Variants in BMAL2 observed in about 807,000 individuals in gnomAD.
BMAL2 encodes the protein basic helix-loop-helix ARNT-like protein 2.
At chr12:27,390,071 T>C in the BMAL2 span, 1 of 1,607,760 alleles carries the variant, frequency 6.2e-7, no homozygotes, top group South Asian at 1.1e-5. Context: ...TTCCACCTAT[T>C]CTCTCGCCCC....
the BMAL2 span, among the ~76,000 whole-genome samples, chr12:27,375,665 C>T: frequency 3.6e-4 from 55 of 152,234 alleles, no homozygotes; most frequent in African/African-American, 1.2e-3. Flanking sequence ...TCAAATCTCC[C>T]ACAAAACGAT....
the BMAL2 span, chr12:27,380,486 C>A: frequency 6.8e-7 from 1 of 1,477,382 alleles, no homozygotes; most frequent in Non-Finnish European, 9.4e-7. Context: ...GCTTTGCTGT[C>A]AGCTGTTGAG....
chr12:27,380,114 A>G, the BMAL2 span: 8 of 821,484 alleles, frequency 9.7e-6, 1 homozygote, highest in Non-Finnish European at 1.5e-5. Flanking sequence ...CCTCACTGAC[A>G]ACTGCAGGGC....
chr12:27,387,030 G>A, the BMAL2 span, among the ~76,000 whole-genome samples: 1 of 152,092 alleles, frequency 6.6e-6, no homozygotes, highest in Non-Finnish European at 1.5e-5. Flanking sequence ...ATTTAGAATA[G>A]GATTTCAACT....
At chr12:27,420,737 C>T in the BMAL2 span, 19 of 489,458 alleles carry the variant, frequency 3.9e-5, no homozygotes, top group Non-Finnish European at 5.6e-5. Flanking sequence ...ATTATAGACT[C>T]CTTTATTCAG....
the BMAL2 span, among the ~76,000 whole-genome samples, chr12:27,361,837 A>T: frequency 6.6e-6 from 1 of 152,202 alleles, no homozygotes; most frequent in Non-Finnish European, 1.5e-5. Flanking sequence ...ACATAGAGTC[A>T]ATGGAACATA....
At chr12:27,419,665 A>G in the BMAL2 span, among the ~76,000 whole-genome samples, 1 of 152,236 alleles carries the variant, frequency 6.6e-6, no homozygotes, top group Non-Finnish European at 1.5e-5. Flanking sequence ...TAAAGCATAC[A>G]CTAAAGAGAA....
chr12:27,361,320 A>T, the BMAL2 span, among the ~76,000 whole-genome samples: 1 of 152,232 alleles, frequency 6.6e-6, no homozygotes, highest in African/African-American at 2.4e-5. Flanking sequence ...TGCAAGATTG[A>T]TTATCATCAC....
the BMAL2 span, among the ~76,000 whole-genome samples, chr12:27,369,070 G>C: frequency 6.6e-6 from 1 of 152,298 alleles, no homozygotes; most frequent in South Asian, 2.1e-4. Context: ...CCAGATGTTT[G>C]AGACCCGCAA....
the BMAL2 span, chr12:27,425,252 T>G: frequency 6.8e-6 from 1 of 146,428 alleles, no homozygotes; most frequent in Non-Finnish European, 1.5e-5. Flanking sequence ...TCATTTGTAG[T>G]TTTTTTTTTT....
chr12:27,332,971 T>A, the BMAL2 span: 2 of 970,928 alleles, frequency 2.1e-6, no homozygotes, highest in Non-Finnish European at 2.6e-6. Context: ...CAGTCCCCGC[T>A]TCCCTGCTCC....
chr12:27,354,773 C>A, the BMAL2 span, among the ~76,000 whole-genome samples: 1 of 152,134 alleles, frequency 6.6e-6, no homozygotes, highest in Admixed American at 6.5e-5. Context: ...ACACACTTCT[C>A]CTAAACATTT....
chr12:27,371,543 T>TA, the BMAL2 span, among the ~76,000 whole-genome samples: 1 of 151,986 alleles, frequency 6.6e-6, no homozygotes, highest in African/African-American at 2.4e-5. Context: ...AGTTGAGGGA[T>TA]AAACACGAAC....
the BMAL2 span, chr12:27,403,343 CTG>C: frequency 1.2e-6 from 1 of 854,020 alleles, no homozygotes; most frequent in African/African-American, 1.7e-5. Context: ...TGCAGCTAGT[CTG>C]TTTCTTTTAA....
chr12:27,402,969 AC>A, the BMAL2 span, among the ~76,000 whole-genome samples: 1 of 152,130 alleles, frequency 6.6e-6, no homozygotes, highest in East Asian at 1.9e-4. Context: ...TGTTCATTCA[AC>A]TTGCTTTCCA....
chr12:27,351,567 A>G, the BMAL2 span, among the ~76,000 whole-genome samples: 1 of 152,174 alleles, frequency 6.6e-6, no homozygotes. Context: ...CTCAGCTACT[A>G]TCCACCTAAC....
chr12:27,332,924 T>C, the BMAL2 span: 5 of 397,310 alleles, frequency 1.3e-5, no homozygotes, highest in African/African-American at 2.2e-5. Context: ...GCCTACGGGC[T>C]GCGGTGGCGG....
chr12:27,378,286 T>C, the BMAL2 span, among the ~76,000 whole-genome samples: 1 of 152,226 alleles, frequency 6.6e-6, no homozygotes, highest in Non-Finnish European at 1.5e-5. Context: ...CGTCTTACAA[T>C]TGGTGGCTCT....
chr12:27,334,372 A>AATGAGAT, the BMAL2 span, among the ~76,000 whole-genome samples: 1 of 152,200 alleles, frequency 6.6e-6, no homozygotes, highest in Admixed American at 6.5e-5. Flanking sequence ...GTTAGGAGTA[A>AATGAGAT]ATGAGATATG....
Sources: gnomAD v4.1 joint callset for allele counts (sites outside exome capture counted in the v4.1 genomes callset) on GRCh38, gnomAD v4.1.1 for gene constraint, MANE v1.5 for transcripts, NCBI Gene and HGNC (gene_info 2026-07-23, HGNC 2026-07-21) for gene names.